The following PIK3IP1 variants were observed in gnomAD, a reference collection of about 807,000 sequenced individuals.
PIK3IP1 encodes phosphoinositide-3-kinase-interacting protein 1.
A neutral mutation model predicts 30.7 loss-of-function variants in PIK3IP1; 28 were observed. That is an observed-to-expected ratio of 0.91 (90% CI 0.68 to 1.25). The LOEUF (loss-of-function observed/expected upper bound fraction) is 1.25. Ranked by LOEUF, PIK3IP1 falls within the 50% of genes most tolerant of loss-of-function variation. PIK3IP1 has a pLI of 0.00. For synonymous variants in PIK3IP1, 159 were observed against 140.8 expected (o/e 1.13, Z -0.91); for missense variants, 333 against 346.2 (o/e 0.96, Z 0.30).
In PIK3IP1 at chr22:31,292,374, AACG is replaced by A. The variant is rs747296769; in HGVS notation, c.-33_-31del. 2 of 1,611,048 alleles carry A rather than the reference AACG, an allele frequency of 1.2e-6. No homozygotes were observed. Among genetic ancestry groups the A allele is most frequent in the South Asian group, 2.2e-5 (2 of 91,026 alleles). On this transcript the variant is annotated 5_prime_UTR_variant, in exon 1 of 6. Transcript: ENST00000215912. ...GCCTCCTTCGTCTTGCAGGTGATTG[AACG>A]ACCAGTGTTTAACCGAGGCCCCCTT...
chr22:31,289,718 A>G lies in PIK3IP1; in HGVS notation c.308-19T>C, dbSNP rs1363620906. 2 of 1,551,534 alleles carry G rather than the reference A, an allele frequency of 1.3e-6. No homozygotes were observed. The highest frequency in any genetic ancestry group is 2.4e-5 in the East Asian group (1 of 40,968). On this transcript the variant is annotated intron_variant, in intron 3 of 5. Coordinates refer to ENST00000215912, the MANE Select transcript of PIK3IP1 (RefSeq NM_052880.5). Reference sequence around the variant, plus strand: ...GTGGTCTCTGGAGATGAGGTGGGAAACAGCTCTCATCAGGGACTGCCCTGA... The same window carrying G: ...GTGGTCTCTGGAGATGAGGTGGGAAGCAGCTCTCATCAGGGACTGCCCTGA...
At chr22:31,285,125 G>T (rs1044897454) in intron 5 of PIK3IP1, among the ~76,000 whole-genome samples, 2 of 151,988 alleles carry the variant, frequency 1.3e-5, no homozygotes, top group Non-Finnish European at 2.9e-5. Context: ...ACCTCATTCA[G>T]ACTACACAGG....
Position 31,283,211 on chromosome 22 carries a change from G to A in PIK3IP1, c.665C>T (p.Ala222Val), listed in dbSNP as rs1316308804. Reference protein sequence around the residue: ...EMQRITLPLSAFTNPTCEIVD... With the variant: ...EMQRITLPLSVFTNPTCEIVD... ...AATCTCACAGGTGGGGTTGGTGAAG[G>A]CAGACAAGGGCAGAGTGATTCGCTG... Residue 222 changes from alanine (A) to valine (V), a missense_variant, in exon 6 of 6, where the codon GCC becomes GTC. Physicochemically the swap from Ala to Val is moderately conservative, Grantham distance 64. Coordinates refer to ENST00000215912, the MANE Select transcript of PIK3IP1 (RefSeq NM_052880.5). 1.2e-6 allele frequency: 2 copies of A among 1,614,190 alleles called. No individual in the cohort carries two copies. Among genetic ancestry groups the A allele is most frequent in the Admixed American group, 1.7e-5 (1 of 60,026 alleles).
rs1024360014 is a variant in PIK3IP1, at chr22:31,281,951, G to A, written c.*1133C>T. On this transcript the variant is annotated 3_prime_UTR_variant, in exon 6 of 6. Transcript: ENST00000215912. ...GTGCAGTGGAGAAATGTTGCGCTCC[G>A]TCAGGAAGCTGGGCTCTTGCCATGC... is the stretch of plus-strand genomic sequence containing the variant. 5.2e-5 allele frequency: 8 copies of A among 152,458 alleles called. No individual in the cohort carries two copies. Among genetic ancestry groups the A allele is most frequent in the Admixed American group, 2.0e-4 (3 of 15,294 alleles). The allele number at this position is 152,458 out of a possible 1,614,324, so 9.4% of individuals were successfully genotyped here.
intron 5 of PIK3IP1, among the ~76,000 whole-genome samples, chr22:31,284,827 A>AC (rs1334602088): frequency 1.3e-5 from 2 of 152,116 alleles, no homozygotes; most frequent in African/African-American, 4.8e-5. Flanking sequence ...GGCCTAGACT[A>AC]CCAGGACAAA....
rs1364765351 is a variant in PIK3IP1, at chr22:31,283,190, T to C, written c.686A>G (p.Glu229Gly). The C allele has an allele frequency of 1.2e-6, 2 of 1,614,008 alleles. No individual in the cohort carries two copies. Among genetic ancestry groups the C allele is most frequent in the African/African-American group, 1.3e-5 (1 of 74,902 alleles). The change falls in exon 6 of 6, where the codon GAG becomes GGG. Residue 229 changes from glutamate to glycine, a missense_variant. Around this residue, in one of 3 missense-constraint regions of PIK3IP1, gnomAD observed 217 missense variants for 227.7 expected, o/e 0.95. Transcript: ENST00000215912. ...PLSAFTNPTC[E>G]IVDEKTVVVH... The stretch of plus-strand genomic sequence containing the variant: ...CACGACAGTCTTCTCATCCACAATC[T>C]CACAGGTGGGGTTGGTGAAGGCAGA...
In PIK3IP1 at chr22:31,283,011, A is replaced by C. The variant is rs756801484; in HGVS notation, c.*73T>G. The C allele has an allele frequency of 6.8e-6, 8 of 1,169,554 alleles. No homozygotes were observed. The highest frequency in any genetic ancestry group is 9.7e-6 in the Non-Finnish European group (8 of 823,036). 72.4% of individuals were successfully genotyped at this position (1,169,554 alleles called of 1,614,324 possible). On this transcript the variant is annotated 3_prime_UTR_variant, in exon 6 of 6. Coordinates refer to ENST00000215912, the MANE Select transcript of PIK3IP1 (RefSeq NM_052880.5). ...GGTTTTAACCAGAACACAAAGTGGTAGTTCCTCCTAGCTGTAGGAGGGTGG... is the reference window on the plus strand; with the variant it reads ...GGTTTTAACCAGAACACAAAGTGGTCGTTCCTCCTAGCTGTAGGAGGGTGG...
At chr22:31,289,049 T>A in intron 5 of PIK3IP1, 1 of 576,876 alleles carries the variant, frequency 1.7e-6, no homozygotes. Flanking sequence ...TCCTAGGCTA[T>A]GTGACTTTGA....
chr22:31,283,591 G>T (rs2049107205), intron 5 of PIK3IP1, among the ~76,000 whole-genome samples: 2 of 151,580 alleles, frequency 1.3e-5, no homozygotes, highest in African/African-American at 4.9e-5. Flanking sequence ...AAAGGACAGA[G>T]ACTTTTTTTT....
intron 5 of PIK3IP1, chr22:31,288,975 T>C (rs1214519583): frequency 2.1e-6 from 1 of 474,908 alleles, no homozygotes; most frequent in African/African-American, 2.0e-5. Flanking sequence ...ATGCCAGGCA[T>C]GTGGGATCAG....
At chr22:31,286,092 G>A (rs552746549) in intron 5 of PIK3IP1, among the ~76,000 whole-genome samples, 5 of 151,758 alleles carry the variant, frequency 3.3e-5, no homozygotes, top group African/African-American at 1.2e-4. Context: ...AGAATCACTT[G>A]AACCCAGGAG....
chr22:31,290,680 G>A (rs1393469164), intron 3 of PIK3IP1: 20 of 399,286 alleles, frequency 5.0e-5, no homozygotes, highest in Non-Finnish European at 5.8e-5. Context: ...AAACGCTGAG[G>A]GGCCAAAAGC....
chr22:31,287,911 A>C (rs1451755183), intron 5 of PIK3IP1, among the ~76,000 whole-genome samples: 1 of 152,140 alleles, frequency 6.6e-6, no homozygotes, highest in Non-Finnish European at 1.5e-5. Flanking sequence ...TTATGAGTTA[A>C]AGCATGTGCT....
intron 1 of PIK3IP1, 107 bp downstream of exon 1, chr22:31,292,168 C>A (rs1203478178): frequency 9.9e-6 from 11 of 1,113,840 alleles, no homozygotes; most frequent in Non-Finnish European, 1.5e-5. Context: ...CAACAGAAAC[C>A]GGCTAAACGC....
chr22:31,283,627 C>G (rs2049107886), intron 5 of PIK3IP1, among the ~76,000 whole-genome samples: 1 of 150,880 alleles, frequency 6.6e-6, no homozygotes, highest in South Asian at 2.1e-4. Flanking sequence ...GACAGGGTCT[C>G]AACATGTTGC....
At chr22:31,288,552 G>C (rs529845224) in intron 5 of PIK3IP1, among the ~76,000 whole-genome samples, 270 of 152,302 alleles carry the variant, frequency 1.8e-3, no homozygotes, top group Non-Finnish European at 2.9e-3. Flanking sequence ...CCCCGATTTT[G>C]CCCAAGAATG....
intron 5 of PIK3IP1, 144 bp downstream of exon 5, chr22:31,289,171 A>G (rs2049153456): frequency 5.2e-6 from 4 of 771,908 alleles, no homozygotes; most frequent in Non-Finnish European, 8.8e-6. Context: ...GTCCAAGGTC[A>G]GCAGATAAAG....
At position 31,288,478 on chromosome 22, in the gene PIK3IP1, C is replaced by T. The variant is rs576542394; in HGVS notation, c.587+837G>A. The stretch of plus-strand genomic sequence containing the variant: ...ATGCAGGCTACTGTGTCACTTTCCT[C>T]ACAGGAAGTTTTCTCAGACCACAGA... On this transcript the variant is annotated intron_variant, in intron 5 of 5. Coordinates refer to ENST00000215912, the MANE Select transcript of PIK3IP1 (RefSeq NM_052880.5). 2.6e-4 allele frequency among the ~76,000 whole-genome samples: 40 copies of T among 152,176 alleles called. 1 individual carries two copies. The East Asian group carries it at 6.0e-3, about 23-fold the overall frequency.
At chr22:31,289,901 A>T in intron 3 of PIK3IP1, 1 of 529,884 alleles carries the variant, frequency 1.9e-6, no homozygotes, top group African/African-American at 1.9e-5. Context: ...CAAATGAGAG[A>T]GGAAGGCCGT....
Sources: allele counts gnomAD v4.1 joint callset (sites outside exome capture counted in the v4.1 genomes callset), GRCh38; gene constraint gnomAD v4.1.1; regional missense constraint gnomAD v4.1.1; transcripts MANE v1.5; gene names NCBI Gene and HGNC (gene_info 2026-07-23, HGNC 2026-07-21).